BLTP3A: variants seen among roughly 807,000 people sequenced by gnomAD.
The protein encoded by BLTP3A is bridge-like lipid transfer protein family member 3A.
chr6:34,856,364 C>T, the BLTP3A span: 2 of 1,614,154 alleles, frequency 1.2e-6, no homozygotes, highest in South Asian at 2.2e-5. Context: ...GGGTCTGAAA[C>T]CACCCTGGCA....
At chr6:34,836,133 G>GTT in the BLTP3A span, 1 of 1,607,158 alleles carries the variant, frequency 6.2e-7, no homozygotes, top group South Asian at 1.1e-5. Flanking sequence ...TGGACTTCCT[G>GTT]TTTCTCTCTC....
chr6:34,824,488 G>A, the BLTP3A span, among the ~76,000 whole-genome samples: 7 of 149,354 alleles, frequency 4.7e-5, no homozygotes, highest in Non-Finnish European at 4.4e-5. Flanking sequence ...AACCCGGAAG[G>A]TGGAGATTGC....
the BLTP3A span, chr6:34,821,955 G>C: frequency 1.2e-6 from 2 of 1,614,184 alleles, no homozygotes. Flanking sequence ...CTATTTGCTT[G>C]GTAATGACCT....
At chr6:34,857,762 A>G in the BLTP3A span, 1 of 1,614,122 alleles carries the variant, frequency 6.2e-7, no homozygotes, top group Non-Finnish European at 8.5e-7. Flanking sequence ...AAATGGTCTG[A>G]CATTTACTAT....
the BLTP3A span, chr6:34,857,187 A>G: frequency 1.8e-6 from 2 of 1,118,836 alleles, no homozygotes; most frequent in African/African-American, 1.6e-5. Flanking sequence ...AGGTGTGAGA[A>G]CACCTGGAAT....
the BLTP3A span, among the ~76,000 whole-genome samples, chr6:34,794,683 C>T: frequency 6.6e-6 from 1 of 152,116 alleles, no homozygotes; most frequent in African/African-American, 2.4e-5. Flanking sequence ...AGTGACTTGC[C>T]TAAGTTGCAT....
chr6:34,873,607 C>T, the BLTP3A span: 2 of 152,138 alleles, frequency 1.3e-5, no homozygotes, highest in African/African-American at 4.8e-5. Context: ...TTCTCCAACA[C>T]CATCCCTTCA....
At chr6:34,857,389 C>T in the BLTP3A span, 1 of 1,614,202 alleles carries the variant, frequency 6.2e-7, no homozygotes, top group Admixed American at 1.7e-5. Flanking sequence ...CAGTCGGAAA[C>T]TTCACAACCT....
At chr6:34,860,693 G>A in the BLTP3A span, among the ~76,000 whole-genome samples, 1 of 152,182 alleles carries the variant, frequency 6.6e-6, no homozygotes, top group Non-Finnish European at 1.5e-5. Context: ...CACAGATGAG[G>A]AAACTGAGGC....
the BLTP3A span, among the ~76,000 whole-genome samples, chr6:34,817,622 A>T: frequency 6.6e-6 from 1 of 152,262 alleles, no homozygotes; most frequent in East Asian, 1.9e-4. Context: ...TGGGAGTGAC[A>T]TGAATGGGCC....
chr6:34,871,160 T>C, the BLTP3A span: 2 of 1,577,886 alleles, frequency 1.3e-6, no homozygotes, highest in African/African-American at 2.7e-5. Flanking sequence ...GGCACATTGG[T>C]TTTTGCCCTG....
At chr6:34,805,259 C>T in the BLTP3A span, among the ~76,000 whole-genome samples, 28 of 150,984 alleles carry the variant, frequency 1.9e-4, no homozygotes, top group South Asian at 1.0e-3. Context: ...TCAGCCTGGG[C>T]GACAGAGTGA....
At chr6:34,828,793 C>T in the BLTP3A span, among the ~76,000 whole-genome samples, 4 of 151,606 alleles carry the variant, frequency 2.6e-5, no homozygotes, top group South Asian at 2.1e-4. Flanking sequence ...TTTAAGAGGC[C>T]GAGGTGGGTG....
the BLTP3A span, among the ~76,000 whole-genome samples, chr6:34,820,814 ATTTTTT>A: frequency 2.9e-5 from 3 of 102,796 alleles, no homozygotes; most frequent in Admixed American, 2.2e-4. Flanking sequence ...ACCATGCCTA[ATTTTTT>A]TTTTTTTTTT....
chr6:34,839,269 C>G, the BLTP3A span, among the ~76,000 whole-genome samples: 2 of 152,094 alleles, frequency 1.3e-5, no homozygotes, highest in African/African-American at 4.8e-5. Flanking sequence ...TTTTAAAATA[C>G]GGGAATAATT....
the BLTP3A span, chr6:34,855,934 C>T: frequency 2.6e-5 from 26 of 982,252 alleles, no homozygotes; most frequent in African/African-American, 4.4e-4. Context: ...TATCTAGTGC[C>T]TGAGATATTG....
the BLTP3A span, chr6:34,857,377 T>A: frequency 6.2e-7 from 1 of 1,614,210 alleles, no homozygotes; most frequent in South Asian, 1.1e-5. Context: ...ACTCCTTTCC[T>A]GCAGTCGGAA....
At chr6:34,830,652 G>A in the BLTP3A span, among the ~76,000 whole-genome samples, 2 of 151,842 alleles carry the variant, frequency 1.3e-5, no homozygotes, top group Non-Finnish European at 2.9e-5. Context: ...CTGCATATAA[G>A]TTGAAAATAT....
chr6:34,858,845 T>G, the BLTP3A span: 6 of 1,614,222 alleles, frequency 3.7e-6, no homozygotes, highest in Non-Finnish European at 5.1e-6. Flanking sequence ...CGCGTGAGGC[T>G]TGACCACTAC....
Sources: allele counts gnomAD v4.1 joint callset (sites outside exome capture counted in the v4.1 genomes callset), GRCh38; gene constraint gnomAD v4.1.1; transcripts MANE v1.5; gene names NCBI Gene and HGNC (gene_info 2026-07-23, HGNC 2026-07-21).